Variants in RABGAP1L observed in about 807,000 individuals in gnomAD.
The protein encoded by RABGAP1L is rab GTPase-activating protein 1-like.
A neutral mutation model predicts 137.7 loss-of-function variants in RABGAP1L; 63 were observed. That is an observed-to-expected ratio of 0.46 (90% CI 0.37 to 0.56). RABGAP1L has a LOEUF of 0.56. Ranked by LOEUF, RABGAP1L falls within the 20% of genes least tolerant of loss-of-function variation. RABGAP1L has a pLI of 0.00. For synonymous variants in RABGAP1L, 431 were observed against 433.7 expected (o/e 0.99, Z 0.08); for missense variants, 1,095 against 1,244.0 (o/e 0.88, Z 1.80).
intron 11 of RABGAP1L, among the ~76,000 whole-genome samples, chr1:174,351,013 G>A (rs1473719130): frequency 1.6e-5 from 2 of 126,476 alleles, no homozygotes; most frequent in African/African-American, 6.0e-5. Context: ...AGGTTGCAGT[G>A]AGCCGAGATG....
In RABGAP1L at chr1:174,314,859, A is replaced by G. The variant is rs185117682; in HGVS notation, c.1465+9732A>G. On this transcript the variant is annotated intron_variant, in intron 11 of 25. Transcript: ENST00000681986. ...TCCACTGTGGTCGAGAAGATGCTTGATATTATTTCAGTTTTTTTGGAATGT... is the reference window on the plus strand; with the variant it reads ...TCCACTGTGGTCGAGAAGATGCTTGGTATTATTTCAGTTTTTTTGGAATGT... Among the ~76,000 whole-genome samples the G allele has an allele frequency of 6.5e-3, 986 of 152,212 alleles. 6 individuals are homozygous for G. The highest frequency in any genetic ancestry group is 0.011 in the Admixed American group (170 of 15,292).
chr1:174,390,956 G>A (rs955812545), intron 12 of RABGAP1L, among the ~76,000 whole-genome samples: 2 of 152,092 alleles, frequency 1.3e-5, no homozygotes, highest in Admixed American at 6.6e-5. Flanking sequence ...TGAAAGAAAA[G>A]GGCAAGAGTA....
At chr1:174,678,102 A>T (rs188713567) in intron 14 of RABGAP1L, among the ~76,000 whole-genome samples, 68 of 152,278 alleles carry the variant, frequency 4.5e-4, no homozygotes, top group Middle Eastern at 3.4e-3. Context: ...TCAATTAGGG[A>T]CTATTATGAA....
intron 10 of RABGAP1L, among the ~76,000 whole-genome samples, chr1:174,291,162 G>GT (rs1179816173): frequency 6.6e-6 from 1 of 151,972 alleles, no homozygotes; most frequent in Non-Finnish European, 1.5e-5. Context: ...CTCTTGCTTA[G>GT]TTTTTTTCTT....
intron 13 of RABGAP1L, among the ~76,000 whole-genome samples, chr1:174,615,761 C>T (rs913783799): frequency 6.6e-6 from 1 of 152,228 alleles, no homozygotes; most frequent in East Asian, 1.9e-4. Context: ...GCTTTGTTTA[C>T]CTAAGCAAGC....
At chr1:174,582,202 A>G (rs1302571654) in intron 13 of RABGAP1L, among the ~76,000 whole-genome samples, 1 of 151,918 alleles carries the variant, frequency 6.6e-6, no homozygotes, top group Non-Finnish European at 1.5e-5. Flanking sequence ...CAAAAAACCC[A>G]TCTGTACAAA....
intron 19 of RABGAP1L, among the ~76,000 whole-genome samples, chr1:174,851,916 TATG>T (rs1327770745): frequency 1.3e-5 from 2 of 152,202 alleles, no homozygotes; most frequent in African/African-American, 2.4e-5. Flanking sequence ...AAATTTCTGA[TATG>T]ATAGTGCAAT....
At position 174,263,212 on chromosome 1, in the gene RABGAP1L, C is replaced by T. The variant is rs140776314; in HGVS notation, c.987-9202C>T. Among the ~76,000 whole-genome samples, 331 of 152,334 alleles carry T rather than the reference C, an allele frequency of 2.2e-3. 3 individuals are homozygous for T. Among genetic ancestry groups the T allele is most frequent in the African/African-American group, 7.4e-3 (307 of 41,582 alleles). On this transcript the variant is annotated intron_variant, in intron 7 of 25. Transcript: ENST00000681986. ...TGGCTGCAGCCCAGAGGGTTTCCTG[C>T]GTGCCTGTGGTCTAGCTTTGCCTGG...
chr1:174,937,775 C>CAACCTTCACCTCCCGGG (rs1665135340), intron 19 of RABGAP1L, among the ~76,000 whole-genome samples: 1 of 150,296 alleles, frequency 6.7e-6, no homozygotes, highest in Non-Finnish European at 1.5e-5. Context: ...CAGCTCCCTG[C>CAACCTTCACCTCCCGGG]AACCTTCACC....
At chr1:174,506,039 G>A (rs1287034257) in intron 13 of RABGAP1L, among the ~76,000 whole-genome samples, 4 of 152,086 alleles carry the variant, frequency 2.6e-5, no homozygotes, top group East Asian at 1.9e-4. Flanking sequence ...AATAAACTAG[G>A]CACAGAAAGT....
At position 174,988,666 on chromosome 1, in the gene RABGAP1L, G is replaced by A. The variant is rs1424623291; in HGVS notation, c.2831G>A (p.Cys944Tyr). Residue 944 changes from cysteine to tyrosine, a missense_variant, in exon 25 of 26, where the codon TGC becomes TAC. By Grantham distance (194) the Cys-to-Tyr change is radical. Coordinates refer to ENST00000681986, the MANE Select transcript of RABGAP1L (RefSeq NM_001366446.1). ...VKGKMMACKHCSDIFSKEGAL... is the reference protein window; with the variant it reads ...VKGKMMACKHYSDIFSKEGAL... ...GGTAAGATGATGGCATGCAAACACTGCAGTGACATTTTCAGCAAGGAGGGT... is the reference window on the plus strand; with the variant it reads ...GGTAAGATGATGGCATGCAAACACTACAGTGACATTTTCAGCAAGGAGGGT... 1 of 1,548,200 alleles carries A rather than the reference G, an allele frequency of 6.5e-7. No homozygotes were observed.
intron 13 of RABGAP1L, among the ~76,000 whole-genome samples, chr1:174,438,935 T>G (rs1653799693): frequency 6.6e-6 from 1 of 151,650 alleles, no homozygotes; most frequent in African/African-American, 2.4e-5. Context: ...AATGCAATGA[T>G]TTTTATATAT....
intron 1 of RABGAP1L, among the ~76,000 whole-genome samples, chr1:174,197,579 C>G (rs1667788178): frequency 6.6e-6 from 1 of 152,074 alleles, no homozygotes; most frequent in Non-Finnish European, 1.5e-5. Flanking sequence ...TACGTCTGAT[C>G]TCTTGTTTTT....
At chr1:174,159,697 C>G (rs1365788119) in intron 1 of RABGAP1L, 40 bp downstream of exon 1, 1 of 152,390 alleles carries the variant, frequency 6.6e-6, no homozygotes, top group Non-Finnish European at 1.5e-5. Flanking sequence ...GAGGGCGGCC[C>G]GGCGGCCCGG....
intron 6 of RABGAP1L, among the ~76,000 whole-genome samples, chr1:174,250,973 G>A (rs1417362995): frequency 1.3e-5 from 2 of 152,156 alleles, no homozygotes; most frequent in African/African-American, 4.8e-5. Flanking sequence ...GCTCATTTTT[G>A]TATTTTTAGG....
At chr1:174,634,890 G>A (rs1387516996) in intron 13 of RABGAP1L, among the ~76,000 whole-genome samples, 1 of 119,316 alleles carries the variant, frequency 8.4e-6, no homozygotes, top group Non-Finnish European at 1.7e-5. Context: ...TGGTGGGGTG[G>A]GGGGAGGGGG....
At chr1:174,406,771 G>A (rs1649332580) in intron 13 of RABGAP1L, among the ~76,000 whole-genome samples, 1 of 152,192 alleles carries the variant, frequency 6.6e-6, no homozygotes, top group Non-Finnish European at 1.5e-5. Flanking sequence ...TTAGCTGGGT[G>A]TGGTGCCACA....
At chr1:174,544,445 A>G (rs1221259531) in intron 13 of RABGAP1L, among the ~76,000 whole-genome samples, 3 of 152,122 alleles carry the variant, frequency 2.0e-5, no homozygotes, top group African/African-American at 4.8e-5. Flanking sequence ...TTTCAGCTCC[A>G]TCAGGTCATT....
At chr1:174,324,383 G>GGAT (rs1464354684) in intron 11 of RABGAP1L, among the ~76,000 whole-genome samples, 3 of 152,124 alleles carry the variant, frequency 2.0e-5, no homozygotes, top group African/African-American at 7.2e-5. Flanking sequence ...TTAGGTAACT[G>GGAT]GATGATCTTG....
Sources: gnomAD v4.1 joint callset for allele counts (sites outside exome capture counted in the v4.1 genomes callset) on GRCh38, gnomAD v4.1.1 for gene constraint, MANE v1.5 for transcripts, NCBI Gene and HGNC (gene_info 2026-07-23, HGNC 2026-07-21) for gene names.